The following DCUN1D3 variants were observed in gnomAD, a reference collection of about 807,000 sequenced individuals.
DCUN1D3 encodes the protein DCN1-like protein 3.
DCUN1D3 carries 6 observed loss-of-function variants against 24.8 expected under a neutral mutation model. The ratio of observed to expected loss-of-function variants is 0.24; its 90% confidence interval spans 0.13 to 0.48. DCUN1D3 has a LOEUF of 0.48. Among genes scored for constraint, DCUN1D3 ranks in the 20% least tolerant of loss-of-function variants. The pLI, the probability that DCUN1D3 is intolerant of heterozygous loss-of-function variation, is 0.99. For missense variants in DCUN1D3, 258 were observed against 379.4 expected (o/e 0.68, Z 2.66); for synonymous variants, 120 against 144.9 (o/e 0.83, Z 1.24).
At chr16:20,886,751 C>T (rs1278200562) in intron 1 of DCUN1D3, among the ~76,000 whole-genome samples, 1 of 152,220 alleles carries the variant, frequency 6.6e-6, no homozygotes, top group Non-Finnish European at 1.5e-5. Flanking sequence ...TTTAAAAGGA[C>T]TGATACACTC....
At chr16:20,876,263 G>A (rs367833548) in intron 1 of DCUN1D3, among the ~76,000 whole-genome samples, 63 of 152,208 alleles carry the variant, frequency 4.1e-4, no homozygotes, top group African/African-American at 1.3e-3. Flanking sequence ...CACTGTGCCC[G>A]ACTCTAATCT....
At chr16:20,873,564 C>T (rs2081800131) in intron 1 of DCUN1D3, among the ~76,000 whole-genome samples, 1 of 152,340 alleles carries the variant, frequency 6.6e-6, no homozygotes, top group South Asian at 2.1e-4. Flanking sequence ...AGATTTGTAG[C>T]AGACGTGTCT....
At chr16:20,887,104 A>C (rs965173576) in intron 1 of DCUN1D3, among the ~76,000 whole-genome samples, 3 of 152,188 alleles carry the variant, frequency 2.0e-5, no homozygotes, top group Non-Finnish European at 4.4e-5. Context: ...GCCTGAGGTA[A>C]GGAGTTCAAG....
Position 20,859,541 on chromosome 16 carries a change from A to AAAAAAAAAACAAAAAAAAC in DCUN1D3, c.*344_*345insGTTTTTTTTGTTTTTTTTT. ...GCCCTGCTCTATGCCCTCCCCTACC[A>AAAAAAAAAACAAAAAAAAC]AAAAAAAAAAAAAAAAAACAAAAAA... On this transcript the variant is annotated 3_prime_UTR_variant, in exon 3 of 3. Transcript: ENST00000324344. 9.7e-6 allele frequency: 1 copy of AAAAAAAAAACAAAAAAAAC among 102,794 alleles called. No homozygotes were observed. 6.4% of individuals were successfully genotyped at this position (102,794 alleles called of 1,614,324 possible).
chr16:20,888,987 G>A (rs2081879369), intron 1 of DCUN1D3, among the ~76,000 whole-genome samples: 1 of 152,120 alleles, frequency 6.6e-6, no homozygotes, highest in Non-Finnish European at 1.5e-5. Context: ...CAGCACTTTG[G>A]GAGGCCAAGG....
Position 20,860,717 on chromosome 16 carries a change from G to A in DCUN1D3, c.432-348C>T, listed in dbSNP as rs772772503. 1.2e-4 allele frequency among the ~76,000 whole-genome samples: 18 copies of A among 152,078 alleles called. No individual in the cohort carries two copies. The highest frequency in any genetic ancestry group is 2.1e-4 in the Non-Finnish European group (14 of 68,030). ...CGCTCTGCAATAGCGATTAAGCTGC[G>A]GATTCTTTCTCCTTCCAGAGGAGGA... On this transcript the variant is annotated intron_variant, in intron 2 of 2. Coordinates refer to ENST00000324344, the MANE Select transcript of DCUN1D3 (RefSeq NM_173475.4). The surrounding 1 kb of genome is among the most constrained non-coding windows in gnomAD (Gnocchi z 4.3).
intron 1 of DCUN1D3, among the ~76,000 whole-genome samples, chr16:20,875,486 T>C (rs903527357): frequency 6.6e-6 from 1 of 152,196 alleles, no homozygotes; most frequent in Non-Finnish European, 1.5e-5. Flanking sequence ...CTCTACCAAC[T>C]CTCTAGCTCA....
chr16:20,876,848 C>T (rs1202120707), intron 1 of DCUN1D3, among the ~76,000 whole-genome samples: 2 of 152,162 alleles, frequency 1.3e-5, no homozygotes, highest in Non-Finnish European at 1.5e-5. Context: ...AAACCAAGCA[C>T]AGAAAGACAA....
rs779713076 is a variant in DCUN1D3 at position 20,862,127 on chromosome 16, T to C, written c.412A>G (p.Thr138Ala). The C allele has an allele frequency of 1.2e-6, 2 of 1,614,184 alleles. No individual in the cohort carries two copies. The highest frequency in any genetic ancestry group is 1.7e-6 in the Non-Finnish European group (2 of 1,180,000). The change falls in exon 2 of 3, where the codon ACC (threonine) becomes GCC (alanine). Residue 138 changes from threonine (T) to alanine (A), a missense_variant. Coordinates refer to ENST00000324344, the MANE Select transcript of DCUN1D3 (RefSeq NM_173475.4). ...LLLAWKFQAA[T>A]MCKFTRKEFF... Reference sequence around the variant, plus strand: ...ACTAACCTGGTGAATTTGCACATGGTTGCAGCCTGGAACTTCCAAGCCAAG... The same window carrying C: ...ACTAACCTGGTGAATTTGCACATGGCTGCAGCCTGGAACTTCCAAGCCAAG...
intron 1 of DCUN1D3, among the ~76,000 whole-genome samples, chr16:20,897,053 T>TC (rs759611865): frequency 1.3e-5 from 2 of 152,214 alleles, no homozygotes; most frequent in Non-Finnish European, 2.9e-5. Context: ...TGATTCGTTT[T>TC]CCCCAAACAC....
At position 20,857,820 on chromosome 16, in the gene DCUN1D3, G is replaced by T. The variant is rs1467078934; in HGVS notation, c.*2066C>A. The T allele has an allele frequency of 6.9e-6, 1 of 144,532 alleles. No individual in the cohort carries two copies. Among genetic ancestry groups the T allele is most frequent in the Non-Finnish European group, 1.5e-5 (1 of 66,532 alleles). 9.0% of individuals were successfully genotyped at this position (144,532 alleles called of 1,614,324 possible). On this transcript the variant is annotated 3_prime_UTR_variant, in exon 3 of 3. Coordinates refer to ENST00000324344, the MANE Select transcript of DCUN1D3 (RefSeq NM_173475.4). ...CTGAAGGAGGAACTGTCAGGTTTAGGATTTAAAAAAAAAAACAAATTCCAA... is the reference window on the plus strand; with the variant it reads ...CTGAAGGAGGAACTGTCAGGTTTAGTATTTAAAAAAAAAAACAAATTCCAA...
At chr16:20,861,981 A>G (rs1936524982) in intron 2 of DCUN1D3, 127 bp downstream of exon 2, 1 of 982,470 alleles carries the variant, frequency 1.0e-6, no homozygotes, top group African/African-American at 1.6e-5. Flanking sequence ...GAACCTGATC[A>G]GAAAAATAAA....
At chr16:20,872,629 A>G in intron 1 of DCUN1D3, among the ~76,000 whole-genome samples, 1 of 151,900 alleles carries the variant, frequency 6.6e-6, no homozygotes, top group Admixed American at 6.6e-5. Context: ...CCACATCAGT[A>G]ACCTGGTCAG....
intron 1 of DCUN1D3, among the ~76,000 whole-genome samples, chr16:20,884,320 TC>T (rs1187494077): frequency 6.6e-6 from 1 of 152,132 alleles, no homozygotes; most frequent in Non-Finnish European, 1.5e-5. Flanking sequence ...AATGGCAATT[TC>T]CCAAGAAGAG....
At chr16:20,893,755 C>T (rs923308716) in intron 1 of DCUN1D3, among the ~76,000 whole-genome samples, 2 of 152,186 alleles carry the variant, frequency 1.3e-5, no homozygotes, top group African/African-American at 4.8e-5. Context: ...CTGCAAGGGT[C>T]TGACTTTTTC....
chr16:20,898,004 T>C (rs906849554), intron 1 of DCUN1D3, among the ~76,000 whole-genome samples: 27 of 152,208 alleles, frequency 1.8e-4, no homozygotes, highest in Non-Finnish European at 3.2e-4. Context: ...TATCCACCTC[T>C]CTGACCTTAT....
At chr16:20,861,142 C>T (rs534057391) in intron 2 of DCUN1D3, among the ~76,000 whole-genome samples, 2 of 152,352 alleles carry the variant, frequency 1.3e-5, no homozygotes, top group East Asian at 3.9e-4. Context: ...ATATGCACAG[C>T]TACTGCTTAG....
At chr16:20,864,480 C>CAA (rs35420529) in intron 1 of DCUN1D3, among the ~76,000 whole-genome samples, 1 of 138,464 alleles carries the variant, frequency 7.2e-6, no homozygotes, top group Admixed American at 7.1e-5. Flanking sequence ...ACTAAAAAGT[C>CAA]AAAAAAAAAA....
rs185838965 is a variant in DCUN1D3, at chr16:20,873,398, G to A, written c.-105-10755C>T. On this transcript the variant is annotated intron_variant, in intron 1 of 2. Transcript: ENST00000324344. ...CCTTATCAAAGGTTTAACATCAGGGGTAGAAGGGTCTGGCCCATGGATTGA... is the reference window on the plus strand; with the variant it reads ...CCTTATCAAAGGTTTAACATCAGGGATAGAAGGGTCTGGCCCATGGATTGA... Among the ~76,000 whole-genome samples the A allele has an allele frequency of 1.4e-4, 22 of 152,310 alleles. No homozygotes were observed. The East Asian group carries it at 1.7e-3, about 12-fold the overall frequency.
Sources: gnomAD v4.1 joint callset for allele counts (sites outside exome capture counted in the v4.1 genomes callset) on GRCh38, gnomAD v4.1.1 for gene constraint, Gnocchi (gnomAD v3.1) non-coding constraint, MANE v1.5 for transcripts, NCBI Gene and HGNC (gene_info 2026-07-23, HGNC 2026-07-21) for gene names.